AQP1: variants seen among roughly 807,000 people sequenced by gnomAD.
AQP1 encodes aquaporin-1.
AQP1 carries 11 observed loss-of-function variants against 19.7 expected under a neutral mutation model. That is an observed-to-expected ratio of 0.56 (90% CI 0.35 to 0.92). AQP1 has a LOEUF of 0.92. Ranked by LOEUF, AQP1 falls within the 40% of genes least tolerant of loss-of-function variation. AQP1 has a pLI of 0.01. For synonymous variants in AQP1, 159 were observed against 166.7 expected (o/e 0.95, Z 0.36); for missense variants, 320 against 369.7 (o/e 0.87, Z 1.10).
Position 30,912,290 on chromosome 7 carries a change from T to C in AQP1, c.381T>C (p.Asn127=). Residue 127 remains asparagine, a synonymous_variant, in exon 1 of 4, where the codon AAT becomes AAC. Transcript: ENST00000311813. The surrounding 1 kb of genome is among the most constrained non-coding windows in gnomAD (Gnocchi z 4.3). ...SSLTGNSLGR[N]DLADGVNSGQ... ...TGACTGGGAACTCGCTTGGCCGCAATGACGTGAGTGGGGTGTCCCTGGGCT... is the reference window on the plus strand; with the variant it reads ...TGACTGGGAACTCGCTTGGCCGCAACGACGTGAGTGGGGTGTCCCTGGGCT... The C allele has an allele frequency of 6.2e-7, 1 of 1,600,332 alleles. No homozygotes were observed. The highest frequency in any genetic ancestry group is 1.3e-5 in the African/African-American group (1 of 75,022).
intron 1 of AQP1, among the ~76,000 whole-genome samples, chr7:30,914,471 T>C (rs1480068054): frequency 1.3e-5 from 2 of 152,180 alleles, no homozygotes; most frequent in African/African-American, 2.4e-5. Context: ...TAAGGGCGCT[T>C]AGCATGATGG....
chr7:30,920,446 C>T (rs889700163), intron 1 of AQP1, among the ~76,000 whole-genome samples: 2 of 152,142 alleles, frequency 1.3e-5, no homozygotes, highest in South Asian at 2.1e-4. Context: ...CTCCACCCGC[C>T]GTCACTCCTT....
At position 30,923,363 on chromosome 7, in the gene AQP1, C is replaced by T. The variant is rs745662091; in HGVS notation, c.631-87C>T. 27 of 1,598,400 alleles carry T rather than the reference C, an allele frequency of 1.7e-5. No individual in the cohort carries two copies. The highest frequency in any genetic ancestry group is 8.5e-5 in the Admixed American group (5 of 58,580). On this transcript the variant is annotated intron_variant, in intron 3 of 3. Transcript: ENST00000311813. This position sits in a 1 kb window ranked among gnomAD's most constrained non-coding sequence, Gnocchi z 4.8. ...TCCCAGGTGGGAAAAACCTGTCCAA[C>T]GGGGTGGTGGGCTGTGGGGTAACCT... is the stretch of plus-strand genomic sequence containing the variant.
At chr7:30,921,788 C>G in intron 1 of AQP1, 1 of 1,550,598 alleles carries the variant, frequency 6.4e-7, no homozygotes, top group South Asian at 1.2e-5. Context: ...GGCCCCAGCT[C>G]ACCCCAGGCC....
At chr7:30,914,319 C>G (rs368196526) in intron 1 of AQP1, among the ~76,000 whole-genome samples, 1 of 152,188 alleles carries the variant, frequency 6.6e-6, no homozygotes, top group Admixed American at 6.5e-5. Flanking sequence ...TTTGGAGCTG[C>G]GGACCCTGAC....
chr7:30,918,292 A>G (rs1791410387), intron 1 of AQP1, among the ~76,000 whole-genome samples: 1 of 152,184 alleles, frequency 6.6e-6, no homozygotes, highest in Admixed American at 6.5e-5. Flanking sequence ...GCGCCTGGCC[A>G]GTTCTTTTAT....
chr7:30,912,366 A>T lies in AQP1; in HGVS notation c.384+73A>T. On this transcript the variant is annotated intron_variant, in intron 1 of 3. Transcript: ENST00000311813. The surrounding 1 kb of genome is among the most constrained non-coding windows in gnomAD (Gnocchi z 4.3). ...AAGGCACTGGTTCCATCCTCTGCCC[A>T]TTGTGCAGATGGGGACACTGAGGAA... is the stretch of plus-strand genomic sequence containing the variant. 6.4e-7 allele frequency: 1 copy of T among 1,560,012 alleles called. No homozygotes were observed. The highest frequency in any genetic ancestry group is 8.7e-7 in the Non-Finnish European group (1 of 1,155,024).
At position 30,912,492 on chromosome 7, in the gene AQP1, A is replaced by G. The variant is rs1357238019; in HGVS notation, c.384+199A>G. ...TGCCTCCCAAAGCCTGTTTTCTGCC[A>G]GGCACTGTGGGAAGCTGAGATCCAG... On this transcript the variant is annotated intron_variant, in intron 1 of 3. Coordinates refer to ENST00000311813, the MANE Select transcript of AQP1 (RefSeq NM_198098.4). The surrounding 1 kb of genome is among the most constrained non-coding windows in gnomAD (Gnocchi z 4.3). Among the ~76,000 whole-genome samples the G allele has an allele frequency of 1.3e-5, 2 of 152,234 alleles. No homozygotes were observed. The highest frequency in any genetic ancestry group is 2.9e-5 in the Non-Finnish European group (2 of 68,036).
chr7:30,915,767 T>TC (rs1791331076), intron 1 of AQP1, among the ~76,000 whole-genome samples: 1 of 152,128 alleles, frequency 6.6e-6, no homozygotes, highest in South Asian at 2.1e-4. Flanking sequence ...CCCTAAGTTC[T>TC]CCCCTTTATC....
intron 1 of AQP1, chr7:30,921,553 C>T (rs1182371886): frequency 9.1e-6 from 14 of 1,539,282 alleles, no homozygotes; most frequent in Non-Finnish European, 1.2e-5. Context: ...GAGCCAGGAC[C>T]TCACCGAAGG....
chr7:30,921,253 A>T (rs577303950), intron 1 of AQP1: 1 of 1,168,314 alleles, frequency 8.6e-7, no homozygotes, highest in Admixed American at 4.2e-5. Context: ...GGCCTTCATG[A>T]CCTCACAGCA....
intron 1 of AQP1, among the ~76,000 whole-genome samples, chr7:30,916,587 AG>A (rs1269714218): frequency 3.3e-5 from 5 of 152,322 alleles, no homozygotes; most frequent in South Asian, 4.1e-4. Flanking sequence ...GGGGATCATG[AG>A]GGGCTGTCTT....
rs1010316295 is a variant in AQP1 at position 30,924,159 on chromosome 7, C to T, written c.*530C>T. 9.4e-5 allele frequency: 109 copies of T among 1,163,590 alleles called. No individual in the cohort carries two copies. Among genetic ancestry groups the T allele is most frequent in the Non-Finnish European group, 1.1e-4 (102 of 926,598 alleles). The allele number at this position is 1,163,590 out of a possible 1,614,324, so 72.1% of individuals were successfully genotyped here. The stretch of plus-strand genomic sequence containing the variant: ...TCTGCTTGCTCCCAAGCCCCTGACC[C>T]GCTCGGACTTACTGCCTGACCTTGG... On this transcript the variant is annotated 3_prime_UTR_variant, in exon 4 of 4. Transcript: ENST00000311813.
intron 1 of AQP1, among the ~76,000 whole-genome samples, chr7:30,913,618 A>G (rs767812634): frequency 6.6e-6 from 1 of 152,060 alleles, no homozygotes; most frequent in Non-Finnish European, 1.5e-5. Context: ...AGCCCAGGAG[A>G]GGCTAGGTGA....
chr7:30,918,446 A>G (rs1168874992), intron 1 of AQP1, among the ~76,000 whole-genome samples: 3 of 152,348 alleles, frequency 2.0e-5, no homozygotes, highest in Admixed American at 2.0e-4. Context: ...ACACAAAACC[A>G]GGAATCCCCC....
intron 1 of AQP1, among the ~76,000 whole-genome samples, chr7:30,913,934 T>C (rs546385800): frequency 3.0e-4 from 46 of 152,178 alleles, no homozygotes; most frequent in African/African-American, 9.9e-4. Flanking sequence ...GAAGCTTGGC[T>C]GGGTATGATG....
At chr7:30,913,695 G>T (rs1791229645) in intron 1 of AQP1, among the ~76,000 whole-genome samples, 1 of 152,196 alleles carries the variant, frequency 6.6e-6, no homozygotes, top group Non-Finnish European at 1.5e-5. Context: ...GTGTCACGGT[G>T]ACACCTCACC....
At chr7:30,919,556 C>CT (rs138132377) in intron 1 of AQP1, among the ~76,000 whole-genome samples, 4,359 of 138,544 alleles carry the variant, frequency 0.031, 179 homozygotes, top group African/African-American at 0.094. Context: ...CTGATTCTTA[C>CT]TTTTTTTTTT....
chr7:30,924,005 C>T lies in AQP1; in HGVS notation c.*376C>T, dbSNP rs570527576. ...CCTGCGCAAGTGCCTGGGATTCTAC[C>T]GTAATTGCTTTGTGCCTTTGGGCAC... On this transcript the variant is annotated 3_prime_UTR_variant, in exon 4 of 4. Transcript: ENST00000311813. The T allele has an allele frequency of 1.1e-5, 15 of 1,357,502 alleles. No individual in the cohort carries two copies. The highest frequency in any genetic ancestry group is 2.1e-4 in the Middle Eastern group (1 of 4,698). 84.1% of individuals were successfully genotyped at this position (1,357,502 alleles called of 1,614,324 possible).
Sources: allele counts gnomAD v4.1 joint callset (sites outside exome capture counted in the v4.1 genomes callset), GRCh38; gene constraint gnomAD v4.1.1; non-coding constraint Gnocchi (gnomAD v3.1); transcripts MANE v1.5; gene names NCBI Gene and HGNC (gene_info 2026-07-23, HGNC 2026-07-21).